Variants in MAP2K5 observed in about 807,000 individuals in gnomAD.
The protein encoded by MAP2K5 is dual specificity mitogen-activated protein kinase kinase 5.
MAP2K5 carries 49 observed loss-of-function variants against 83.1 expected under a neutral mutation model. The observed-to-expected ratio is 0.59, with a 90% confidence interval of 0.47 to 0.75. The LOEUF (loss-of-function observed/expected upper bound fraction) is 0.75. Ranked by LOEUF, MAP2K5 falls within the 30% of genes least tolerant of loss-of-function variation. The pLI is 0.00. For missense variants in MAP2K5, 457 were observed against 557.5 expected (o/e 0.82, Z 1.82); for synonymous variants, 202 against 191.8 (o/e 1.05, Z -0.44).
In MAP2K5 at chr15:67,764,611, A is replaced by G. The variant is rs1462093344; in HGVS notation, c.1135-4991A>G. ...TGGATTAAGTATCAGCCATTCCACA[A>G]TGCCAGGCTCATTGCGTTCCACATG... On this transcript the variant is annotated intron_variant, in intron 19 of 21. Transcript: ENST00000178640. This position sits in a 1 kb window ranked among gnomAD's most constrained non-coding sequence, Gnocchi z 4.9. Among the ~76,000 whole-genome samples the G allele has an allele frequency of 6.6e-6, 1 of 152,226 alleles. No individual in the cohort carries two copies. Among genetic ancestry groups the G allele is most frequent in the East Asian group, 1.9e-4 (1 of 5,200 alleles).
At chr15:67,704,397 T>C (rs2088500053) in intron 16 of MAP2K5, among the ~76,000 whole-genome samples, 1 of 152,362 alleles carries the variant, frequency 6.6e-6, no homozygotes, top group East Asian at 1.9e-4. Flanking sequence ...GCCAGGACTT[T>C]TTATAATAGA....
intron 8 of MAP2K5, among the ~76,000 whole-genome samples, chr15:67,604,203 A>T (rs888524857): frequency 1.2e-4 from 19 of 152,226 alleles, no homozygotes; most frequent in Admixed American, 1.2e-3. Context: ...ATATTATGAG[A>T]GTGACTTAGG....
At chr15:67,662,675 G>A (rs190417578) in intron 12 of MAP2K5, among the ~76,000 whole-genome samples, 1 of 152,192 alleles carries the variant, frequency 6.6e-6, no homozygotes, top group East Asian at 1.9e-4. Context: ...CCACATAGAA[G>A]GTAGTACTTG....
At chr15:67,641,355 A>G in intron 9 of MAP2K5, 1 of 324,266 alleles carries the variant, frequency 3.1e-6, no homozygotes, top group Non-Finnish European at 4.7e-6. Context: ...CATACTGTAA[A>G]AGACAATTAT....
chr15:67,770,358 C>G lies in MAP2K5; in HGVS notation c.1196+695C>G, dbSNP rs1424138192. Among the ~76,000 whole-genome samples, 1 of 152,180 alleles carries G rather than the reference C, an allele frequency of 6.6e-6. No individual in the cohort carries two copies. The highest frequency in any genetic ancestry group is 6.5e-5 in the Admixed American group (1 of 15,276). ...AGATGTCTTTTATTACCCCTTTCACCATCATTCCCCTCTTCCCTCGTCCTG... is the reference window on the plus strand; with the variant it reads ...AGATGTCTTTTATTACCCCTTTCACGATCATTCCCCTCTTCCCTCGTCCTG... On this transcript the variant is annotated intron_variant, in intron 20 of 21. Coordinates refer to ENST00000178640, the MANE Select transcript of MAP2K5 (RefSeq NM_145160.3). The surrounding 1 kb of genome is among the most constrained non-coding windows in gnomAD (Gnocchi z 5.0).
rs2084745734 is a variant in MAP2K5 at position 67,561,964 on chromosome 15, G to A, written c.185-1319G>A. Among the ~76,000 whole-genome samples, 1 of 152,140 alleles carries A rather than the reference G, an allele frequency of 6.6e-6. No homozygotes were observed. Among genetic ancestry groups the A allele is most frequent in the African/African-American group, 2.4e-5 (1 of 41,422 alleles). ...AGTAAGCATCCCCTGACCATGTTGG[G>A]CAAGCTTATTCTCTTCATGATGAGA... On this transcript the variant is annotated intron_variant, in intron 2 of 21. Transcript: ENST00000178640. The surrounding 1 kb of genome is among the most constrained non-coding windows in gnomAD (Gnocchi z 4.2).
intron 13 of MAP2K5, among the ~76,000 whole-genome samples, chr15:67,669,113 A>G (rs2087460224): frequency 6.6e-6 from 1 of 152,108 alleles, no homozygotes; most frequent in Admixed American, 6.6e-5. Context: ...TGTTAGTTTG[A>G]TCATTGAGCA....
At chr15:67,647,727 A>G (rs2086860563) in intron 11 of MAP2K5, among the ~76,000 whole-genome samples, 1 of 152,100 alleles carries the variant, frequency 6.6e-6, no homozygotes, top group Non-Finnish European at 1.5e-5. Context: ...AAAATTAGCC[A>G]GGTGTGGTAG....
At chr15:67,658,491 G>A in intron 11 of MAP2K5, 62 bp from the exon 12 acceptor site, 1 of 1,266,668 alleles carries the variant, frequency 7.9e-7, no homozygotes, top group Non-Finnish European at 1.2e-6. Context: ...ACACACAGGA[G>A]AAGCCCAGTG....
At chr15:67,742,281 A>G (rs924858720) in intron 17 of MAP2K5, among the ~76,000 whole-genome samples, 10 of 152,336 alleles carry the variant, frequency 6.6e-5, no homozygotes, top group East Asian at 1.9e-4. Flanking sequence ...CAGAATACCT[A>G]TATGTTTGGA....
chr15:67,591,017 A>C (rs943554756), intron 6 of MAP2K5, among the ~76,000 whole-genome samples: 4 of 151,946 alleles, frequency 2.6e-5, no homozygotes, highest in Non-Finnish European at 4.4e-5. Flanking sequence ...GACAACTAGC[A>C]TGGGTAGGTA....
In MAP2K5 at chr15:67,636,413, A is replaced by T. The variant is rs1367070131; in HGVS notation, c.585+5486A>T. Among the ~76,000 whole-genome samples, 1 of 152,092 alleles carries T rather than the reference A, an allele frequency of 6.6e-6. No homozygotes were observed. Among genetic ancestry groups the T allele is most frequent in the Non-Finnish European group, 1.5e-5 (1 of 68,020 alleles). ...ACAGAATAAGACTCCGTCTCAAAAA[A>T]AAAAAAAAAGTATGAAATATAGTTA... On this transcript the variant is annotated intron_variant, in intron 9 of 21. Coordinates refer to ENST00000178640, the MANE Select transcript of MAP2K5 (RefSeq NM_145160.3). This position sits in a 1 kb window ranked among gnomAD's most constrained non-coding sequence, Gnocchi z 4.7.
intron 11 of MAP2K5, among the ~76,000 whole-genome samples, chr15:67,646,790 T>C (rs937740069): frequency 2.0e-5 from 3 of 152,344 alleles, no homozygotes; most frequent in South Asian, 2.1e-4. Flanking sequence ...TCTGTTCTTT[T>C]AATGTTTCAA....
intron 12 of MAP2K5, among the ~76,000 whole-genome samples, chr15:67,664,333 CAA>C (rs11395465): frequency 1.3e-5 from 1 of 74,088 alleles, no homozygotes; most frequent in Admixed American, 1.9e-4. Context: ...CTGTTTCTAC[CAA>C]AAAAAAAAAA....
rs544327305 is a variant in MAP2K5, at chr15:67,690,658, C to T, written c.848-1821C>T. On this transcript the variant is annotated intron_variant, in intron 13 of 21. Coordinates refer to ENST00000178640, the MANE Select transcript of MAP2K5 (RefSeq NM_145160.3). This position sits in a 1 kb window ranked among gnomAD's most constrained non-coding sequence, Gnocchi z 4.3. ...AAGCAATTCTCCTCCCTCAGCCTCC[C>T]GAGTAGCTGAGATTACAGGTGTCCG... Among the ~76,000 whole-genome samples, 17 of 151,982 alleles carry T rather than the reference C, an allele frequency of 1.1e-4. 1 individual carries two copies. The Middle Eastern group carries it at 0.017, about 152-fold the overall frequency.
rs1193193761 is a variant in MAP2K5, at chr15:67,692,467, G to T, written c.848-12G>T. On this transcript the variant is annotated splice_polypyrimidine_tract_variant and intron_variant, in intron 13 of 21. Transcript: ENST00000178640. Reference sequence around the variant, plus strand: ...GGAATTAGTTACATGGCCTTTTCTGGTCCCTTTTTAGACGTGAAGCCCTCC... The same window carrying T: ...GGAATTAGTTACATGGCCTTTTCTGTTCCCTTTTTAGACGTGAAGCCCTCC... 2 of 1,609,540 alleles carry T rather than the reference G, an allele frequency of 1.2e-6. No homozygotes were observed. The highest frequency in any genetic ancestry group is 1.7e-6 in the Non-Finnish European group (2 of 1,176,194).
intron 13 of MAP2K5, among the ~76,000 whole-genome samples, chr15:67,689,330 G>A (rs571729948): frequency 6.6e-6 from 1 of 152,208 alleles, no homozygotes; most frequent in Non-Finnish European, 1.5e-5. Context: ...GGTACAGACA[G>A]ATGCTACAGA....
At chr15:67,603,569 G>A (rs2085710733) in intron 8 of MAP2K5, among the ~76,000 whole-genome samples, 1 of 152,086 alleles carries the variant, frequency 6.6e-6, no homozygotes, top group East Asian at 1.9e-4. Flanking sequence ...TCTTGAGAGG[G>A]GCGGTGAAGA....
In MAP2K5 at chr15:67,559,321, G is replaced by A. The variant is rs1450353842; in HGVS notation, c.185-3962G>A. On this transcript the variant is annotated intron_variant, in intron 2 of 21. Coordinates refer to ENST00000178640, the MANE Select transcript of MAP2K5 (RefSeq NM_145160.3). The surrounding 1 kb of genome is among the most constrained non-coding windows in gnomAD (Gnocchi z 4.7). ...GCCTTCTTGAGCCCCTGTCACTGCA[G>A]TGGGTGCTGTTTGGCTGAGAGCTCC... 2.0e-5 allele frequency among the ~76,000 whole-genome samples: 3 copies of A among 152,142 alleles called. No individual in the cohort carries two copies. Among genetic ancestry groups the A allele is most frequent in the Admixed American group, 2.0e-4 (3 of 15,274 alleles).
Sources: gnomAD v4.1 joint callset for allele counts (sites outside exome capture counted in the v4.1 genomes callset) on GRCh38, gnomAD v4.1.1 for gene constraint, Gnocchi (gnomAD v3.1) non-coding constraint, MANE v1.5 for transcripts, NCBI Gene and HGNC (gene_info 2026-07-23, HGNC 2026-07-21) for gene names.